The following MMAB variants were observed in gnomAD, a reference collection of about 807,000 sequenced individuals.
MMAB encodes the protein corrinoid adenosyltransferase MMAB.
In MMAB, 17 loss-of-function variants were observed where a neutral mutation model predicts 30.6. The ratio of observed to expected loss-of-function variants is 0.56; its 90% CI spans 0.38 to 0.83. The LOEUF (loss-of-function observed/expected upper bound fraction) is 0.83, where lower values mean the gene tolerates loss of function less well. MMAB is among the 40% of genes least tolerant of loss of function. MMAB has a pLI of 0.00. For missense variants in MMAB, 311 were observed against 331.6 expected, an observed-to-expected ratio of 0.94 and a Z score of 0.48; for synonymous variants, 134 against 138.6, an observed-to-expected ratio of 0.97 and a Z score of 0.23.
At position 109,558,689 on chromosome 12, in the gene MMAB, C is replaced by T. The variant is rs973404596; in HGVS notation, c.644+407G>A. On this transcript the variant is annotated intron_variant, in intron 8 of 8. Transcript: ENST00000545712. This position sits in a 1 kb window ranked among gnomAD's most constrained non-coding sequence, Gnocchi z 4.3. The stretch of plus-strand genomic sequence containing the variant: ...CGGCTCTCTTGTTGGTTCATGCTGC[C>T]GCAGGCCCTCTCGGGGACAGGAAAC... 3.9e-5 allele frequency among the ~76,000 whole-genome samples: 6 copies of T among 151,980 alleles called. No individual in the cohort carries two copies. Among genetic ancestry groups the T allele is most frequent in the East Asian group, 1.9e-4 (1 of 5,172 alleles).
rs2287181 is a variant in MMAB, at chr12:109,561,232, G to A, written c.520-128C>T. 0.17 allele frequency: 273,832 copies of A among 1,591,696 alleles called. 24,070 individuals carry two copies. Among genetic ancestry groups the A allele is most frequent in the Middle Eastern group, 0.19 (1,155 of 6,052 alleles). ...GTTCTGCCTCCAGGAGCCCTGCCACGGCACACCCACCGGGCACGCTGCTCC... is the reference window on the plus strand; with the variant it reads ...GTTCTGCCTCCAGGAGCCCTGCCACAGCACACCCACCGGGCACGCTGCTCC... On this transcript the variant is annotated intron_variant, in intron 6 of 8. Coordinates refer to ENST00000545712, the MANE Select transcript of MMAB (RefSeq NM_052845.4). The surrounding 1 kb of genome is among the most constrained non-coding windows in gnomAD (Gnocchi z 5.3).
intron 4 of MMAB, among the ~76,000 whole-genome samples, chr12:109,562,202 T>G (rs1157852428): frequency 1.3e-5 from 2 of 152,344 alleles, no homozygotes; most frequent in Middle Eastern, 3.4e-3. Context: ...CATGTGAAGA[T>G]GTACCTGCTT....
intron 1 of MMAB, among the ~76,000 whole-genome samples, chr12:109,572,924 C>G (rs1195839894): frequency 3.3e-5 from 5 of 152,210 alleles, no homozygotes; most frequent in African/African-American, 1.2e-4. Context: ...AGGTTAATTT[C>G]CTGGATCTGT....
intron 1 of MMAB, among the ~76,000 whole-genome samples, chr12:109,572,859 AAAC>A (rs1884701918): frequency 6.6e-6 from 1 of 152,256 alleles, no homozygotes; most frequent in Non-Finnish European, 1.5e-5. Flanking sequence ...AAAACAATGT[AAAC>A]AACTCAAGGA....
At chr12:109,573,178 C>T (rs551681577) in intron 1 of MMAB, 169 bp downstream of exon 1, 16 of 810,146 alleles carry the variant, frequency 2.0e-5, no homozygotes, top group Non-Finnish European at 3.0e-5. Context: ...GCAAAGACTA[C>T]CTGGTCTCTG....
intron 3 of MMAB, among the ~76,000 whole-genome samples, chr12:109,566,705 G>A (rs1380641545): frequency 6.6e-6 from 1 of 152,240 alleles, no homozygotes; most frequent in East Asian, 1.9e-4. Flanking sequence ...TCAGGAAGGC[G>A]GGGCTGAGGT....
chr12:109,556,270 A>T lies in MMAB; in HGVS notation c.*758T>A, dbSNP rs1313797668. Reference sequence around the variant, plus strand: ...CTGACAACCTCATTTTCTCAAGCTGAAGATGCTGCACCGCAGACCCTTGAC... The same window carrying T: ...CTGACAACCTCATTTTCTCAAGCTGTAGATGCTGCACCGCAGACCCTTGAC... On this transcript the variant is annotated 3_prime_UTR_variant, in exon 9 of 9. Transcript: ENST00000545712. 3 of 453,970 alleles carry T rather than the reference A, an allele frequency of 6.6e-6. No homozygotes were observed. The highest frequency in any genetic ancestry group is 6.0e-5 in the African/African-American group (3 of 49,976). 28.1% of individuals were successfully genotyped at this position (453,970 alleles called of 1,614,324 possible).
In MMAB at chr12:109,561,295, G is replaced by C; in HGVS notation, c.519+125C>G. ...GCTGGGAGGGACCGGTGAGGACCTG[G>C]AGGGACTTGGGGAACTGGAGGACAG... On this transcript the variant is annotated intron_variant, in intron 6 of 8. Coordinates refer to ENST00000545712, the MANE Select transcript of MMAB (RefSeq NM_052845.4). This position sits in a 1 kb window ranked among gnomAD's most constrained non-coding sequence, Gnocchi z 5.3. 6.4e-7 allele frequency: 1 copy of C among 1,563,932 alleles called. No homozygotes were observed. The highest frequency in any genetic ancestry group is 8.6e-7 in the Non-Finnish European group (1 of 1,162,340).
chr12:109,571,543 C>T (rs1006830722), intron 2 of MMAB, 106 bp downstream of exon 2: 38 of 1,052,992 alleles, frequency 3.6e-5, no homozygotes, highest in African/African-American at 6.2e-5. Context: ...TGAGCCACCG[C>T]GCCTGGTATA....
chr12:109,571,496 C>A (rs896466779), intron 2 of MMAB, among the ~76,000 whole-genome samples, 153 bp downstream of exon 2: 2 of 152,188 alleles, frequency 1.3e-5, no homozygotes, highest in African/African-American at 4.8e-5. Flanking sequence ...AGATGATTAG[C>A]CCAACAGGGC....
intron 7 of MMAB, 136 bp downstream of exon 7, chr12:109,560,904 T>G: frequency 1.1e-6 from 1 of 871,490 alleles, no homozygotes; most frequent in Admixed American, 2.0e-5. Flanking sequence ...ATGGCCCTGC[T>G]GTACCTGCCT....
intron 4 of MMAB, among the ~76,000 whole-genome samples, chr12:109,564,379 GTTT>G (rs869192707): frequency 7.1e-5 from 9 of 126,744 alleles, no homozygotes; most frequent in African/African-American, 2.1e-4. Flanking sequence ...GGAGACAGAG[GTTT>G]TTTTTTTTTT....
chr12:109,560,936 C>T lies in MMAB; in HGVS notation c.584+104G>A, dbSNP rs901594172. 28 of 1,045,480 alleles carry T rather than the reference C, an allele frequency of 2.7e-5. No homozygotes were observed. The African/African-American group carries it at 4.1e-4, about 15-fold the overall frequency. The allele number at this position is 1,045,480 out of a possible 1,614,324, so 64.8% of individuals were successfully genotyped here. On this transcript the variant is annotated intron_variant, in intron 7 of 8. Coordinates refer to ENST00000545712, the MANE Select transcript of MMAB (RefSeq NM_052845.4). ...GCCTCCTGCCCGCTGTGCAGAGGCC[C>T]CTCTCCCTCTCCCCATCTCCGTCCT...
At chr12:109,564,878 T>G in intron 4 of MMAB, 1 of 612,016 alleles carries the variant, frequency 1.6e-6, no homozygotes, top group Non-Finnish European at 2.9e-6. Context: ...AGGGTCTTAT[T>G]ATGTTACCTA....
chr12:109,571,688 G>C lies in MMAB; in HGVS notation c.157C>G (p.Pro53Ala), dbSNP rs1884632137. ...GDRPQPSSKT[P>A]RIPKIYTKTG... is the part of the protein sequence containing the mutation. ...TTGGTGTAAATCTTGGGGATCCTGG[G>C]TGTCTTCGAGGAAGGCTGTGGCCTA... Residue 53 changes from proline to alanine, a missense_variant, in exon 2 of 9, where the codon CCC becomes GCC. Transcript: ENST00000545712. 6.2e-7 allele frequency: 1 copy of C among 1,614,000 alleles called. No homozygotes were observed.
At position 109,553,964 on chromosome 12, in the gene MMAB, G is replaced by A. The variant is rs773624469; in HGVS notation, c.*3064C>T. On this transcript the variant is annotated 3_prime_UTR_variant, in exon 9 of 9. Transcript: ENST00000545712. The stretch of plus-strand genomic sequence containing the variant: ...CTGTGGAAATTACTCGATGAAAAAC[G>A]CACATTAACGATAGCCATGAAATAT... 4.4e-6 allele frequency: 2 copies of A among 454,026 alleles called. No homozygotes were observed. Among genetic ancestry groups the A allele is most frequent in the Non-Finnish European group, 8.8e-6 (2 of 226,794 alleles). 28.1% of individuals were successfully genotyped at this position (454,026 alleles called of 1,614,324 possible).
rs1273536043 is a variant in MMAB, at chr12:109,573,452, A to T, written c.29T>A (p.Leu10His). Reference protein sequence around the residue: MAVCGLGSRLGLGSRLGLRG... With the variant: MAVCGLGSRHGLGSRLGLRG... ...CAGGCCAAGACGGCTCCCCAGGCCA[A>T]GACGGCTCCCCAGGCCGCACACAGC... Residue 10 changes from leucine to histidine, a missense_variant, in exon 1 of 9, where the codon CTT (leucine) becomes CAT (histidine). Physicochemically the swap from Leu to His is moderately conservative, Grantham distance 99. Transcript: ENST00000545712. 2 of 1,607,604 alleles carry T rather than the reference A, an allele frequency of 1.2e-6. No homozygotes were observed. Among genetic ancestry groups the T allele is most frequent in the Non-Finnish European group, 1.7e-6 (2 of 1,178,982 alleles).
intron 4 of MMAB, among the ~76,000 whole-genome samples, chr12:109,564,233 C>T (rs1240907300): frequency 1.3e-5 from 2 of 152,314 alleles, no homozygotes; most frequent in East Asian, 3.9e-4. Flanking sequence ...AAAAATGTCT[C>T]CAGATATTGC....
At chr12:109,572,772 C>A (rs1024784718) in intron 1 of MMAB, among the ~76,000 whole-genome samples, 1 of 152,180 alleles carries the variant, frequency 6.6e-6, no homozygotes. Flanking sequence ...ACCTGAGCCA[C>A]TTCCATAGTA....
Sources: gnomAD v4.1 joint callset for allele counts (sites outside exome capture counted in the v4.1 genomes callset) on GRCh38, gnomAD v4.1.1 for gene constraint, Gnocchi (gnomAD v3.1) non-coding constraint, MANE v1.5 for transcripts, NCBI Gene and HGNC (gene_info 2026-07-23, HGNC 2026-07-21) for gene names.